FBN3: variants seen among roughly 807,000 people sequenced by gnomAD.
FBN3 encodes fibrillin 3.
In FBN3, 234 loss-of-function variants were observed where a neutral mutation model predicts 330.1. That is an observed-to-expected ratio of 0.71 (90% CI 0.64 to 0.79). FBN3 has a LOEUF of 0.79. Among genes scored for constraint, FBN3 ranks in the 30% least tolerant of loss-of-function variants. The probability of loss-of-function intolerance (pLI) is 0.00; values close to 1 mark genes in which losing one functional copy is unlikely to be tolerated. For synonymous variants in FBN3, 1,458 were observed against 1,517.3 expected, an observed-to-expected ratio of 0.96 and a Z score of 0.91; for missense variants, 3,606 against 3,886.9, an observed-to-expected ratio of 0.93 and a Z score of 1.92.
intron 8 of FBN3, among the ~76,000 whole-genome samples, chr19:8,140,968 G>A (rs1265249098): frequency 2.6e-5 from 4 of 151,852 alleles, no homozygotes; most frequent in Admixed American, 6.6e-5. Context: ...CGAGGCGGGC[G>A]GATCACGAGG....
At chr19:8,115,430 G>C (rs1351471955) in intron 30 of FBN3, 85 bp downstream of exon 30, 6 of 1,486,386 alleles carry the variant, frequency 4.0e-6, no homozygotes, top group Non-Finnish European at 5.5e-6. Flanking sequence ...GCTGTGCTCT[G>C]CCCTGGGGGA....
rs945139665 is a variant in FBN3, at chr19:8,089,299, CAGTAAATGAATAAGTGAATG to C, written c.6376+226_6376+245del. ...TGAGTGAGCAAGTGAATGAATGAGT[CAGTAAATGAATAAGTGAATG>C]AGTAAATGAATAAGTGAGTGAGTGA... On this transcript the variant is annotated intron_variant, in intron 51 of 63. Transcript: ENST00000600128. Among the ~76,000 whole-genome samples the C allele has an allele frequency of 1.1e-4, 16 of 151,840 alleles. No individual in the cohort carries two copies. In the East Asian group the frequency reaches 1.9e-3, roughly 18 times the overall value.
chr19:8,136,297 C>A lies in FBN3; in HGVS notation c.1358G>T (p.Cys453Phe). The part of the protein sequence containing the change: ...VRGECIDVDE[C>F]TSSPCHHGDC... ...ACCGTGGTGGCAGGGGCTGCTGGTG[C>A]ATTCGTCTACATCTGAGGGGAGAGG... The change falls in exon 12 of 64, where the codon TGC (cysteine) becomes TTC (phenylalanine). Residue 453 changes from cysteine to phenylalanine, a missense_variant. Physicochemically the swap from Cys to Phe is radical, Grantham distance 205 (BLOSUM62 -2). Coordinates refer to ENST00000600128, the MANE Select transcript of FBN3 (RefSeq NM_032447.5). 6.2e-7 allele frequency: 1 copy of A among 1,601,758 alleles called. No homozygotes were observed. Among genetic ancestry groups the A allele is most frequent in the Non-Finnish European group, 8.5e-7 (1 of 1,175,056 alleles).
At chr19:8,116,910 G>A in intron 28 of FBN3, 111 bp from the exon 29 acceptor site, 1 of 1,354,016 alleles carries the variant, frequency 7.4e-7, no homozygotes, top group Non-Finnish European at 1.0e-6. Flanking sequence ...GATAGCGATG[G>A]TCACTCGAGT....
At chr19:8,067,271 G>A (rs1045894423) in intron 63 of FBN3, among the ~76,000 whole-genome samples, 2 of 151,844 alleles carry the variant, frequency 1.3e-5, no homozygotes, top group African/African-American at 2.4e-5. Flanking sequence ...AATTACAGGT[G>A]CCTGCCATCA....
intron 51 of FBN3, 63 bp from the exon 52 acceptor site, chr19:8,088,242 A>G: frequency 6.6e-7 from 1 of 1,525,138 alleles, no homozygotes; most frequent in Non-Finnish European, 8.8e-7. Flanking sequence ...GTAGCATCCC[A>G]TCTGCCTGCC....
rs759485611 is a variant in FBN3 at position 8,147,330 on chromosome 19, G to C, written c.151C>G (p.Pro51Ala). 3.1e-6 allele frequency: 5 copies of C among 1,597,520 alleles called. No individual in the cohort carries two copies. The highest frequency in any genetic ancestry group is 4.3e-6 in the Non-Finnish European group (5 of 1,174,186). The change falls in exon 2 of 64, where the codon CCA becomes GCA. Residue 51 changes from proline (P) to alanine (A), a missense_variant. By Grantham distance (27) the Pro-to-Ala change is conservative. Coordinates refer to ENST00000600128, the MANE Select transcript of FBN3 (RefSeq NM_032447.5). ...GPGRVRRRGS[P>A]GILQGPNVCG... The stretch of plus-strand genomic sequence containing the variant: ...ACCACGCACCCCTGCAAGATGCCTG[G>C]GCTGCCCCGCCTCCGCACACGTCCA...
chr19:8,124,188 C>G (rs2082924557), intron 22 of FBN3, among the ~76,000 whole-genome samples, 180 bp from the exon 23 acceptor site: 1 of 152,110 alleles, frequency 6.6e-6, no homozygotes, highest in Non-Finnish European at 1.5e-5. Flanking sequence ...GTGTACTGTT[C>G]TGTAGCACTG....
chr19:8,145,827 C>T lies in FBN3; in HGVS notation c.445+16G>A. On this transcript the variant is annotated intron_variant, in intron 5 of 63. Transcript: ENST00000600128. ...TCCCAGGTGTGCAAAGAGGGGAGTCCCATGGGGATACTCACGCTGCCCACA... is the reference window on the plus strand; with the variant it reads ...TCCCAGGTGTGCAAAGAGGGGAGTCTCATGGGGATACTCACGCTGCCCACA... 3 of 1,542,406 alleles carry T rather than the reference C, an allele frequency of 1.9e-6. No individual in the cohort carries two copies. Among genetic ancestry groups the T allele is most frequent in the Non-Finnish European group, 2.6e-6 (3 of 1,139,352 alleles).
intron 40 of FBN3, among the ~76,000 whole-genome samples, chr19:8,102,406 C>T (rs2082346928): frequency 6.6e-6 from 1 of 152,006 alleles, no homozygotes; most frequent in Admixed American, 6.6e-5. Flanking sequence ...TTAGTAGAGA[C>T]AGGGTTTCAC....
At chr19:8,113,841 C>A (rs965963887) in intron 30 of FBN3, among the ~76,000 whole-genome samples, 122 of 117,816 alleles carry the variant, frequency 1.0e-3, no homozygotes, top group Middle Eastern at 4.3e-3. Context: ...ACTATCTCTA[C>A]AAAAAAAAAA....
Position 8,074,461 on chromosome 19 carries a change from CTG to C in FBN3, c.7702+608_7702+609del, listed in dbSNP as rs890678710. Among the ~76,000 whole-genome samples the C allele has an allele frequency of 1.7e-3, 264 of 152,198 alleles. 1 individual carries two copies. The highest frequency in any genetic ancestry group is 5.1e-3 in the African/African-American group (211 of 41,526). ...GTGTCCAGGAGCCTGAAGGGGCAGA[CTG>C]TGGTGCCCAGAGCAGTGGAGGTAGA... On this transcript the variant is annotated intron_variant, in intron 61 of 63. Transcript: ENST00000600128.
intron 8 of FBN3, among the ~76,000 whole-genome samples, chr19:8,140,765 T>A (rs1042954440): frequency 1.1e-4 from 16 of 151,998 alleles, no homozygotes; most frequent in Non-Finnish European, 2.4e-4. Flanking sequence ...AAGCCTATGT[T>A]CAGAGGCTGG....
intron 40 of FBN3, 68 bp from the exon 41 acceptor site, chr19:8,101,040 G>A (rs926461713): frequency 1.5e-6 from 2 of 1,326,310 alleles, no homozygotes; most frequent in Non-Finnish European, 2.1e-6. Context: ...CCAATCTGGA[G>A]GGGACACCTC....
chr19:8,138,075 C>G, intron 10 of FBN3, 66 bp downstream of exon 10: 1 of 1,476,814 alleles, frequency 6.8e-7, no homozygotes, highest in Non-Finnish European at 9.0e-7. Context: ...CTGTTTGGAG[C>G]TCTCTCCCCA....
Position 8,088,099 on chromosome 19 carries a change from C to T in FBN3, c.6457G>A (p.Ala2153Thr). The part of the protein sequence containing the change: ...NVIGGFECAC[A>T]DGFEPGLMMT... ...ATGAGGCCAGGCTCAAAGCCGTCAG[C>T]ACAGGCACATTCGAAGCCTCCGATG... The change falls in exon 52 of 64, where the codon GCT becomes ACT. Residue 2153 changes from alanine (A) to threonine (T), a missense_variant. Physicochemically the swap from Ala to Thr is moderately conservative, Grantham distance 58. Coordinates refer to ENST00000600128, the MANE Select transcript of FBN3 (RefSeq NM_032447.5). The T allele has an allele frequency of 3.1e-6, 5 of 1,614,120 alleles. No homozygotes were observed. The highest frequency in any genetic ancestry group is 3.4e-6 in the Non-Finnish European group (4 of 1,180,032).
intron 47 of FBN3, 75 bp downstream of exon 47, chr19:8,094,371 G>A: frequency 6.7e-7 from 1 of 1,503,498 alleles, no homozygotes; most frequent in Non-Finnish European, 9.0e-7. Context: ...AACCCTAGCT[G>A]GTATTCCCAT....
At chr19:8,120,757 G>C (rs2082827774) in intron 25 of FBN3, among the ~76,000 whole-genome samples, 1 of 152,170 alleles carries the variant, frequency 6.6e-6, no homozygotes, top group South Asian at 2.1e-4. Flanking sequence ...GATTACAGGC[G>C]AGGGCCACTG....
At chr19:8,135,936 G>GGGGGGGGGGGGGGGGCGGCCCCCCCCCCC in intron 13 of FBN3, 25 bp downstream of exon 13, 4 of 668,776 alleles carry the variant, frequency 6.0e-6, no homozygotes, top group Non-Finnish European at 9.6e-6. Flanking sequence ...GGAAGCCCCT[G>GGGGGGGGGGGGGGGGCGGCCCCCCCCCCC]CCCACCCGCC....
Sources: allele counts gnomAD v4.1 joint callset (sites outside exome capture counted in the v4.1 genomes callset), GRCh38; gene constraint gnomAD v4.1.1; transcripts MANE v1.5; gene names NCBI Gene and HGNC (gene_info 2026-07-23, HGNC 2026-07-21).